Variants in MYO5B observed in about 807,000 individuals in gnomAD.
MYO5B encodes the protein unconventional myosin-Vb.
Under a neutral mutation model 229.3 loss-of-function variants are expected in MYO5B, and 143 were observed. The ratio of observed to expected loss-of-function variants is 0.62; its 90% confidence interval spans 0.54 to 0.72. The LOEUF is 0.72. Ranked by LOEUF, MYO5B falls within the 30% of genes least tolerant of loss-of-function variation. The pLI is 0.00. For missense variants in MYO5B, 2,321 were observed against 2,331.0 expected (o/e 1.00, Z 0.09); for synonymous variants, 918 against 885.2 (o/e 1.04, Z -0.66).
intron 1 of MYO5B, among the ~76,000 whole-genome samples, chr18:50,113,695 G>A (rs1314710141): frequency 1.3e-5 from 2 of 152,202 alleles, no homozygotes; most frequent in Admixed American, 6.5e-5. Context: ...TAGTGTGAGG[G>A]TCTTTTCTCA....
chr18:49,941,715 G>A (rs555048063), intron 14 of MYO5B, among the ~76,000 whole-genome samples: 40 of 151,910 alleles, frequency 2.6e-4, no homozygotes, highest in Middle Eastern at 3.4e-3. Context: ...ATGCTCATGG[G>A]TAGGAAGAAT....
chr18:50,010,555 G>A (rs2026150845), intron 4 of MYO5B, among the ~76,000 whole-genome samples: 1 of 152,206 alleles, frequency 6.6e-6, no homozygotes, highest in African/African-American at 2.4e-5. Flanking sequence ...CCAGATCCAG[G>A]TTATATGGGA....
chr18:50,100,090 A>ACACTAT (rs2031627554), intron 1 of MYO5B, among the ~76,000 whole-genome samples: 1 of 152,242 alleles, frequency 6.6e-6, no homozygotes, highest in Middle Eastern at 3.2e-3. Flanking sequence ...CCTGGCTAGA[A>ACACTAT]ACCGGAAGAA....
At chr18:50,164,847 G>C (rs941529474) in intron 1 of MYO5B, among the ~76,000 whole-genome samples, 10 of 152,262 alleles carry the variant, frequency 6.6e-5, no homozygotes, top group African/African-American at 2.4e-4. Context: ...TCTATCATAA[G>C]AGTAAAATAG....
chr18:50,127,958 GA>G (rs555420998), intron 1 of MYO5B, among the ~76,000 whole-genome samples: 225 of 152,310 alleles, frequency 1.5e-3, no homozygotes, highest in African/African-American at 2.6e-3. Context: ...ACTGAGACAT[GA>G]GCTCTTTCCA....
intron 1 of MYO5B, among the ~76,000 whole-genome samples, chr18:50,128,634 G>A (rs567512939): frequency 2.0e-5 from 3 of 152,136 alleles, no homozygotes; most frequent in Admixed American, 6.5e-5. Flanking sequence ...TCAACAGCTC[G>A]GAGAGCAGTT....
chr18:49,902,562 C>G (rs748720618), intron 21 of MYO5B, 32 bp downstream of exon 21: 16 of 1,606,310 alleles, frequency 1.0e-5, no homozygotes, highest in Non-Finnish European at 1.1e-5. Flanking sequence ...CCCAAGCCCC[C>G]GACACCCAGG....
Position 49,841,407 on chromosome 18 carries a change from G to C in MYO5B, c.4659C>G (p.Thr1553=), listed in dbSNP as rs1437379557. ...GCTTCAGACAGTGAAGAAGGCGGCA[G>C]GTGTTGGATAACCAGAATGACGTCA... The part of the protein sequence containing the change: ...FEMTSFWLSN[T]CRLLHCLKQY... The change falls in exon 35 of 40, where the codon ACC becomes ACG. Residue 1553 remains threonine, a synonymous_variant. Coordinates refer to ENST00000285039, the MANE Select transcript of MYO5B (RefSeq NM_001080467.3). 6.2e-7 allele frequency: 1 copy of C among 1,614,204 alleles called. No individual in the cohort carries two copies. Among genetic ancestry groups the C allele is most frequent in the Admixed American group, 1.7e-5 (1 of 60,028 alleles).
intron 17 of MYO5B, among the ~76,000 whole-genome samples, chr18:49,915,256 G>A (rs1046288815): frequency 4.6e-5 from 7 of 151,946 alleles, no homozygotes; most frequent in African/African-American, 7.3e-5. Context: ...GTATATTTGC[G>A]AAGTTGTGCA....
intron 9 of MYO5B, among the ~76,000 whole-genome samples, 183 bp from the exon 10 acceptor site, chr18:49,974,798 G>GACACACAGACACAGACACACAC (rs1460518712): frequency 3.1e-5 from 4 of 130,996 alleles, no homozygotes; most frequent in Non-Finnish European, 6.4e-5. Context: ...CACACACACA[G>GACACACAGACACAGACACACAC]ACACACACAC....
intron 1 of MYO5B, among the ~76,000 whole-genome samples, chr18:50,123,377 A>C (rs1331891372): frequency 6.6e-6 from 1 of 152,184 alleles, no homozygotes; most frequent in Non-Finnish European, 1.5e-5. Flanking sequence ...GATGAACTGA[A>C]TACTACTGAA....
At chr18:50,140,031 A>C (rs983378453) in intron 1 of MYO5B, among the ~76,000 whole-genome samples, 1 of 151,956 alleles carries the variant, frequency 6.6e-6, no homozygotes, top group African/African-American at 2.4e-5. Context: ...GGGGAAAAAA[A>C]CTTTAAAAAA....
chr18:50,118,612 C>T (rs2032005663), intron 1 of MYO5B, among the ~76,000 whole-genome samples: 1 of 149,706 alleles, frequency 6.7e-6, no homozygotes, highest in African/African-American at 2.5e-5. Flanking sequence ...TATACATGTG[C>T]CATGTTGGCA....
intron 27 of MYO5B, among the ~76,000 whole-genome samples, chr18:49,867,358 C>T (rs1598843958): frequency 6.6e-6 from 1 of 152,244 alleles, no homozygotes; most frequent in East Asian, 1.9e-4. Context: ...CAGATGTGTG[C>T]AGCTGTAGTC....
chr18:50,077,504 C>A (rs997421484), intron 1 of MYO5B, among the ~76,000 whole-genome samples: 2 of 82,290 alleles, frequency 2.4e-5, no homozygotes, highest in African/African-American at 2.0e-4. Context: ...CACACACAAA[C>A]ACACACACAC....
intron 29 of MYO5B, among the ~76,000 whole-genome samples, chr18:49,859,793 G>A (rs2024305920): frequency 6.6e-6 from 1 of 152,206 alleles, no homozygotes; most frequent in Non-Finnish European, 1.5e-5. Context: ...TTAAAGCTGG[G>A]CCCTCTGGGG....
chr18:50,024,794 C>T (rs2026313066), intron 4 of MYO5B, among the ~76,000 whole-genome samples: 2 of 152,274 alleles, frequency 1.3e-5, no homozygotes, highest in Admixed American at 6.5e-5. Context: ...TCCCTGACTT[C>T]CCGAGTATCT....
At chr18:49,965,884 A>G (rs1037580827) in intron 10 of MYO5B, among the ~76,000 whole-genome samples, 9 of 152,222 alleles carry the variant, frequency 5.9e-5, no homozygotes, top group Non-Finnish European at 1.2e-4. Flanking sequence ...AGTAATACCA[A>G]CGAGGTAATA....
intron 9 of MYO5B, among the ~76,000 whole-genome samples, chr18:49,978,694 TACACACACACACAC>T (rs10527520): frequency 0.037 from 5,132 of 138,894 alleles, 154 homozygotes; most frequent in African/African-American, 0.083. Context: ...CAGCAAGTAA[TACACACACACACAC>T]ACACACACAC....
Sources: gnomAD v4.1 joint callset for allele counts (sites outside exome capture counted in the v4.1 genomes callset) on GRCh38, gnomAD v4.1.1 for gene constraint, MANE v1.5 for transcripts, NCBI Gene and HGNC (gene_info 2026-07-23, HGNC 2026-07-21) for gene names.